TTN: variants seen among roughly 807,000 people sequenced by gnomAD.
TTN encodes the protein connectin.
In TTN, 1,525 loss-of-function variants were observed where a neutral mutation model predicts 3,223.0. The ratio of observed to expected loss-of-function variants is 0.47; its 90% confidence interval spans 0.45 to 0.49. The LOEUF is 0.49. Among genes scored for constraint, TTN ranks in the 20% least tolerant of loss-of-function variants. The pLI, the probability that TTN is intolerant of heterozygous loss-of-function variation, is 0.00. For missense variants in TTN, 40,786 were observed against 43,424.0 expected, an observed-to-expected ratio of 0.94 and a Z score of 5.40; for synonymous variants, 14,094 against 15,161.0, an observed-to-expected ratio of 0.93 and a Z score of 5.17.
In TTN at chr2:178,725,795, T is replaced by C. The variant is rs768574442; in HGVS notation, c.20527A>G (p.Thr6843Ala). 1.9e-6 allele frequency: 3 copies of C among 1,606,576 alleles called. No homozygotes were observed. The highest frequency in any genetic ancestry group is 1.7e-4 in the Middle Eastern group (1 of 6,022). The change falls in exon 70 of 363, where the codon ACT (threonine) becomes GCT (alanine). Residue 6843 changes from threonine to alanine, a missense_variant. Physicochemically the swap from Thr to Ala is moderately conservative, Grantham distance 58. Coordinates refer to ENST00000589042, the MANE Select transcript of TTN (RefSeq NM_001267550.2). The part of the protein sequence containing the change: ...CKAQNEVGSD[T>A]CVCTVKLKEP... Reference sequence around the variant, plus strand: ...TTCAATTTTACAGTACAAACACAAGTATCACTTCCCACTTCATTCTGTGCT... The same window carrying C: ...TTCAATTTTACAGTACAAACACAAGCATCACTTCCCACTTCATTCTGTGCT...
Position 178,576,567 on chromosome 2 carries a change from C to T in TTN, c.69677G>A (p.Ser23226Asn). 6.2e-7 allele frequency: 1 copy of T among 1,613,598 alleles called. No individual in the cohort carries two copies. The highest frequency in any genetic ancestry group is 8.5e-7 in the Non-Finnish European group (1 of 1,179,646). Residue 23226 changes from serine to asparagine, a missense_variant, in exon 325 of 363, where the codon AGT (serine) becomes AAT (asparagine). By Grantham distance (46) the Ser-to-Asn change is conservative. Coordinates refer to ENST00000589042, the MANE Select transcript of TTN (RefSeq NM_001267550.2). The surrounding 1 kb of genome is among the most constrained non-coding windows in gnomAD (Gnocchi z 4.3). ...CATCAGAACAGAATCTGAAGCCTCACTGGGTGGACCAATTCCTGCTCTGTT... is the reference window on the plus strand; with the variant it reads ...CATCAGAACAGAATCTGAAGCCTCATTGGGTGGACCAATTCCTGCTCTGTT... ...AENRAGIGPP[S>N]EASDSVLMKD...
rs897592106 is a variant in TTN, at chr2:178,677,246, G to A, written c.34333C>T (p.Pro11445Ser). Residue 11445 changes from proline (P) to serine (S), a missense_variant, in exon 147 of 363, where the codon CCT becomes TCT. Coordinates refer to ENST00000589042, the MANE Select transcript of TTN (RefSeq NM_001267550.2). ...PKKPVPEKKV[P>S]VPAPKKVEPP... Reference sequence around the variant, plus strand: ...TCCACTTTTTTAGGGGCGGGAACAGGGACTTTCTTCTCTGGTACAGGTTTC... The same window carrying A: ...TCCACTTTTTTAGGGGCGGGAACAGAGACTTTCTTCTCTGGTACAGGTTTC... The A allele has an allele frequency of 1.1e-5, 13 of 1,218,384 alleles. No homozygotes were observed. Among genetic ancestry groups the A allele is most frequent in the Non-Finnish European group, 1.3e-5 (13 of 981,124 alleles). 75.5% of individuals were successfully genotyped at this position (1,218,384 alleles called of 1,614,324 possible).
At chr2:178,726,263 G>A (rs906383559) in intron 69 of TTN, 9 of 446,806 alleles carry the variant, frequency 2.0e-5, no homozygotes, top group Non-Finnish European at 3.5e-5. Flanking sequence ...CCTAGATGTC[G>A]TTACTGAACA....
intron 122 of TTN, 92 bp from the exon 123 acceptor site, chr2:178,689,687 C>CT (rs1320902747): frequency 1.4e-6 from 2 of 1,440,406 alleles, no homozygotes; most frequent in Admixed American, 2.1e-5. Context: ...TGGACAGACA[C>CT]TTTTGTTCAG....
chr2:178,577,277 T>G lies in TTN; in HGVS notation c.69058A>C (p.Ile23020Leu). 6.2e-7 allele frequency: 1 copy of G among 1,612,916 alleles called. No homozygotes were observed. ...ATRKDAGEYT[I>L]TATNPFGTKV... is the part of the protein sequence containing the mutation. ...GTGCCAAAAGGATTGGTAGCAGTGA[T>G]GGTATATTCACCCGCATCTTTTCTA... is the stretch of plus-strand genomic sequence containing the variant. The change falls in exon 324 of 363, where the codon ATC (isoleucine) becomes CTC (leucine). Residue 23020 changes from isoleucine to leucine, a missense_variant. Physicochemically the swap from Ile to Leu is conservative, Grantham distance 5. Transcript: ENST00000589042.
chr2:178,702,498 C>T lies in TTN; in HGVS notation c.30389G>A (p.Arg10130His), dbSNP rs373355159. 3.1e-4 allele frequency: 504 copies of T among 1,613,806 alleles called. No homozygotes were observed. Among genetic ancestry groups the T allele is most frequent in the Non-Finnish European group, 3.9e-4 (465 of 1,179,882 alleles). The change falls in exon 107 of 363, where the codon CGC becomes CAC. Residue 10130 changes from arginine (R) to histidine (H), a missense_variant. Arg to His is a conservative substitution (Grantham distance 29). Coordinates refer to ENST00000589042, the MANE Select transcript of TTN (RefSeq NM_001267550.2). ...ATTGTGGATGGTCATATAATGGCAG[C>T]GGCCATCATTCCTGAAGTTGTATTT... Reference protein sequence around the residue: ...SQKYNFRNDGRCHYMTIHNVT... With the variant: ...SQKYNFRNDGHCHYMTIHNVT...
chr2:178,681,302 G>T lies in TTN; in HGVS notation c.33247+74C>A, dbSNP rs1482941620. 2.0e-6 allele frequency: 3 copies of T among 1,477,654 alleles called. No individual in the cohort carries two copies. The African/African-American group carries it at 4.2e-5, about 21-fold the overall frequency. The allele number at this position is 1,477,654 out of a possible 1,614,324, so 91.5% of individuals were successfully genotyped here. ...TACTCAGCAAAAACACAGACCATCA[G>T]ACGGGCTAGGAAGACATGATTTTAG... On this transcript the variant is annotated intron_variant, in intron 137 of 362. Transcript: ENST00000589042.
Position 178,609,715 on chromosome 2 carries a change from AGC to A in TTN, c.51706_51707del (p.Ala17236TyrfsTer11). ...NAAGISEPSR[A>X]TPPTKAVDPI... ...GATCTACAGCTTTGGTTGGAGGAGT[AGC>A]CCGAGAAGGTTCACTAATACCCGCG... is the stretch of plus-strand genomic sequence containing the variant. On this transcript the variant is annotated frameshift_variant, in exon 272 of 363. Coordinates refer to ENST00000589042, the MANE Select transcript of TTN (RefSeq NM_001267550.2). LOFTEE classifies it high-confidence loss of function. 6.2e-7 allele frequency: 1 copy of A among 1,605,012 alleles called. No individual in the cohort carries two copies. The highest frequency in any genetic ancestry group is 1.3e-5 in the African/African-American group (1 of 74,802).
intron 132 of TTN, 77 bp downstream of exon 132, chr2:178,684,253 C>T: frequency 7.0e-7 from 1 of 1,434,370 alleles, no homozygotes; most frequent in East Asian, 2.4e-5. Flanking sequence ...CAACAAAAAC[C>T]AGCCCCCATA....
At position 178,689,079 on chromosome 2, in the gene TTN, A is replaced by G. The variant is rs1438672178; in HGVS notation, c.32069T>C (p.Val10690Ala). The change falls in exon 125 of 363, where the codon GTC (valine) becomes GCC (alanine). Residue 10690 changes from valine to alanine, a missense_variant. By Grantham distance (64) the Val-to-Ala change is moderately conservative. Transcript: ENST00000589042. ...TCGGGGAGGAGGAGCTTTCTTAGCG[A>G]CAGGAACTGGCACTGCAACTTTCTC... is the stretch of plus-strand genomic sequence containing the variant. ...PEEKVAVPVP[V>A]AKKAPPPRAE... 6.2e-7 allele frequency: 1 copy of G among 1,606,596 alleles called. No homozygotes were observed.
At chr2:178,588,281 A>G in intron 304 of TTN, 62 bp from the exon 305 acceptor site, 1 of 1,416,508 alleles carries the variant, frequency 7.1e-7, no homozygotes. Context: ...GTAATTTTAT[A>G]TAGCCTATTC....
At position 178,734,594 on chromosome 2, in the gene TTN, AAAG is replaced by A. The variant is rs2081110446; in HGVS notation, c.15227_15229del (p.Ser5076del). 6.4e-7 allele frequency: 1 copy of A among 1,568,630 alleles called. No individual in the cohort carries two copies. The highest frequency in any genetic ancestry group is 8.6e-7 in the Non-Finnish European group (1 of 1,158,164). ...GTCTGCAGGCTCAAGAGTTTTGATGAAAGAAGGAGGTTCTACAAAAGCATGAAA... is the reference window on the plus strand; with the variant it reads ...GTCTGCAGGCTCAAGAGTTTTGATGAAAGGAGGTTCTACAAAAGCATGAAA... On this transcript the variant is annotated inframe_deletion, in exon 52 of 363. Transcript: ENST00000589042.
rs1708845261 is a variant in TTN, at chr2:178,573,126, T to C, written c.73006A>G (p.Ser24336Gly). ...CAAGCGATTGAAATGGATGATCTGCTTGTATCCAGAACACGTGGGTTACCT... is the reference window on the plus strand; with the variant it reads ...CAAGCGATTGAAATGGATGATCTGCCTGTATCCAGAACACGTGGGTTACCT... ...PPGNPRVLDT[S>G]RSSISIAWNK... is the part of the protein sequence containing the mutation. The change falls in exon 326 of 363, where the codon AGC becomes GGC. Residue 24336 changes from serine (S) to glycine (G), a missense_variant. Transcript: ENST00000589042. 1 of 1,613,224 alleles carries C rather than the reference T, an allele frequency of 6.2e-7. No homozygotes were observed. The highest frequency in any genetic ancestry group is 1.7e-5 in the Admixed American group (1 of 59,958).
chr2:178,799,382 C>T, intron 6 of TTN, 105 bp downstream of exon 6: 1 of 1,570,876 alleles, frequency 6.4e-7, no homozygotes. Context: ...AGAAGCGAAC[C>T]ACTCTCCGCG....
chr2:178,585,050 A>G (rs766834517), intron 309 of TTN, 22 bp downstream of exon 309: 30 of 1,604,118 alleles, frequency 1.9e-5, no homozygotes, highest in East Asian at 1.1e-4. Flanking sequence ...TTAGATGGCC[A>G]TTTGTCTAAT....
At position 178,585,276 on chromosome 2, in the gene TTN, C is replaced by A. The variant is rs138858121; in HGVS notation, c.64468G>T (p.Val21490Leu). 1.9e-6 allele frequency: 3 copies of A among 1,612,758 alleles called. No individual in the cohort carries two copies. Among genetic ancestry groups the A allele is most frequent in the East Asian group, 4.5e-5 (2 of 44,798 alleles). ...AGKKLRIEAH[V>L]YGKPHPTCKW... ...CAGGTGGGATGAGGCTTTCCATACA[C>A]ATGGGCTTCAATTCGGAGTTTTTTC... Residue 21490 changes from valine to leucine, a missense_variant, in exon 309 of 363, where the codon GTG becomes TTG. Transcript: ENST00000589042.
rs755722481 is a variant in TTN, at chr2:178,717,769, C to T, written c.25105G>A (p.Val8369Ile). 11 of 1,609,228 alleles carry T rather than the reference C, an allele frequency of 6.8e-6. No individual in the cohort carries two copies. Among genetic ancestry groups the T allele is most frequent in the Non-Finnish European group, 8.5e-6 (10 of 1,177,770 alleles). The change falls in exon 87 of 363, where the codon GTT becomes ATT. Residue 8369 changes from valine to isoleucine, a missense_variant. By Grantham distance (29) the Val-to-Ile change is conservative (BLOSUM62 3). Transcript: ENST00000589042. ...PPFFARKLKD[V>I]HETLGFPVAF... ...ACTGGGAAGCCTAGAGTCTCATGAACGTCTTTCAGTTTTCTTGCAAAGAAA... is the reference window on the plus strand; with the variant it reads ...ACTGGGAAGCCTAGAGTCTCATGAATGTCTTTCAGTTTTCTTGCAAAGAAA...
In TTN at chr2:178,707,002, C is replaced by G. The variant is rs377766561; in HGVS notation, c.29042-48G>C. 7 of 1,489,944 alleles carry G rather than the reference C, an allele frequency of 4.7e-6. No individual in the cohort carries two copies. The African/African-American group carries it at 9.7e-5, about 21-fold the overall frequency. 92.3% of individuals were successfully genotyped at this position (1,489,944 alleles called of 1,614,324 possible). On this transcript the variant is annotated intron_variant, in intron 100 of 362. Transcript: ENST00000589042. ...TGTTACTACAATCACCTCAGAATTA[C>G]AATACATATCCCCCTTTGTAAAATA...
rs1485820746 is a variant in TTN, at chr2:178,804,978, G to A, written c.-13-323C>T. Reference sequence around the variant, plus strand: ...ATGGTGGAAAACCAGGTTCAGAGTTGAAGAAGAAAACCACAGCAATGCAGG... The same window carrying A: ...ATGGTGGAAAACCAGGTTCAGAGTTAAAGAAGAAAACCACAGCAATGCAGG... On this transcript the variant is annotated intron_variant, in intron 1 of 362. Coordinates refer to ENST00000589042, the MANE Select transcript of TTN (RefSeq NM_001267550.2). Among the ~76,000 whole-genome samples the A allele has an allele frequency of 3.3e-5, 5 of 152,170 alleles. No homozygotes were observed. In the East Asian group the frequency reaches 9.6e-4, roughly 29 times the overall value.
Sources: gnomAD v4.1 joint callset for allele counts (sites outside exome capture counted in the v4.1 genomes callset) on GRCh38, gnomAD v4.1.1 for gene constraint, Gnocchi (gnomAD v3.1) non-coding constraint, MANE v1.5 for transcripts, NCBI Gene and HGNC (gene_info 2026-07-23, HGNC 2026-07-21) for gene names.